The following ATRAID variants were observed in gnomAD, a reference collection of about 807,000 sequenced individuals.
ATRAID encodes the protein all-trans retinoic acid induced differentiation factor.
ATRAID carries 26 observed loss-of-function variants against 28.8 expected under a neutral mutation model. The observed-to-expected ratio is 0.90, with a 90% confidence interval of 0.66 to 1.25. The LOEUF (loss-of-function observed/expected upper bound fraction) is 1.25, where lower values mean the gene tolerates loss of function less well. Among genes scored for constraint, ATRAID ranks in the 50% most tolerant of loss-of-function variants. The pLI is 0.00. For missense variants in ATRAID, 308 were observed against 285.9 expected (o/e 1.08, Z -0.56); for synonymous variants, 131 against 108.5 (o/e 1.21, Z -1.29).
Position 27,212,320 on chromosome 2 carries a change from GGCCGCGGGGCCGGGTC to G in ATRAID, c.-46_-31del, listed in dbSNP as rs995795518. 3 of 1,549,182 alleles carry G rather than the reference GGCCGCGGGGCCGGGTC, an allele frequency of 1.9e-6. No individual in the cohort carries two copies. The highest frequency in any genetic ancestry group is 2.6e-6 in the Non-Finnish European group (3 of 1,146,188). On this transcript the variant is annotated 5_prime_UTR_variant, in exon 1 of 7. Coordinates refer to ENST00000380171, the MANE Select transcript of ATRAID (RefSeq NM_001170795.4). ...GAGGGCCTGACGCGCTGCGGGGCGG[GGCCGCGGGGCCGGGTC>G]GCGCGAGCAGCGGAGCACCAAGGGA...
intron 2 of ATRAID, chr2:27,213,513 A>C (rs1369398698): frequency 2.3e-6 from 1 of 443,950 alleles, no homozygotes; most frequent in Non-Finnish European, 3.8e-6. Flanking sequence ...AGCATTTCCT[A>C]CTGAGTGCAC....
At position 27,212,401 on chromosome 2, in the gene ATRAID, C is replaced by CCTGGTGCCCTGGG; in HGVS notation, c.37_49dup (p.Ala17GlyfsTer41). 6.4e-7 allele frequency: 1 copy of CCTGGTGCCCTGGG among 1,551,606 alleles called. No homozygotes were observed. Among genetic ancestry groups the CCTGGTGCCCTGGG allele is most frequent in the Non-Finnish European group, 8.7e-7 (1 of 1,147,638 alleles). On this transcript the variant is annotated frameshift_variant, in exon 1 of 7. Coordinates refer to ENST00000380171, the MANE Select transcript of ATRAID (RefSeq NM_001170795.4). LOFTEE classifies it high-confidence loss of function. Reference sequence around the variant, plus strand: ...CTCACGACCCGGGTAGTCTTACGACCCTGGTGCCCTGGGCTGCCGCCCTGC... The same window carrying CCTGGTGCCCTGGG: ...CTCACGACCCGGGTAGTCTTACGACCCTGGTGCCCTGGGCTGGTGCCCTGGGCTGCCGCCCTGC...
At chr2:27,212,693 C>G (rs1335823148) in intron 1 of ATRAID, 23 of 1,326,300 alleles carry the variant, frequency 1.7e-5, no homozygotes, top group Non-Finnish European at 2.1e-5. Context: ...TTGATTTCGC[C>G]CCTTAATTTT....
intron 5 of ATRAID, among the ~76,000 whole-genome samples, chr2:27,216,104 G>A (rs190701255): frequency 6.6e-6 from 1 of 152,328 alleles, no homozygotes; most frequent in East Asian, 1.9e-4. Flanking sequence ...GCAGGGGATG[G>A]ATCTTACAAA....
In ATRAID at chr2:27,216,621, G is replaced by A. The variant is rs1182999519; in HGVS notation, c.585+1G>A. The stretch of plus-strand genomic sequence containing the variant: ...CCATGGATACAAGTGTATGCGCCAG[G>A]TGAGGAATTAGGCCGTCTAACTAGG... On this transcript the variant is annotated splice_donor_variant, in intron 6 of 6. Transcript: ENST00000380171. LOFTEE classifies it high-confidence loss of function. The A allele has an allele frequency of 6.2e-7, 1 of 1,612,638 alleles. No homozygotes were observed. The highest frequency in any genetic ancestry group is 2.2e-5 in the East Asian group (1 of 44,886).
At chr2:27,213,502 A>G (rs1674699936) in intron 2 of ATRAID, 1 of 497,346 alleles carries the variant, frequency 2.0e-6, no homozygotes, top group African/African-American at 2.0e-5. Flanking sequence ...GCTTCCTATT[A>G]AGCATTTCCT....
Position 27,216,997 on chromosome 2 carries a change from C to T in ATRAID, c.*49C>T. 6.8e-7 allele frequency: 1 copy of T among 1,479,744 alleles called. No individual in the cohort carries two copies. The allele number at this position is 1,479,744 out of a possible 1,614,324, so 91.7% of individuals were successfully genotyped here. A position where few individuals can be genotyped will look rare whatever the true frequency, so the allele number is the denominator to read the frequency against. On this transcript the variant is annotated 3_prime_UTR_variant, in exon 7 of 7. Coordinates refer to ENST00000380171, the MANE Select transcript of ATRAID (RefSeq NM_001170795.4). ...CTAAGATCAATCTGAACTATCTTAG[C>T]CCAGTCAGGGAGCTCTGCTTCCTAG...
chr2:27,212,516 C>G (rs376508461), intron 1 of ATRAID, 49 bp downstream of exon 1: 2 of 1,511,742 alleles, frequency 1.3e-6, no homozygotes, highest in Admixed American at 2.4e-5. Flanking sequence ...GCTGGCCAGC[C>G]GTGCGTCGCG....
intron 2 of ATRAID, among the ~76,000 whole-genome samples, chr2:27,214,140 T>C (rs904579343): frequency 9.2e-5 from 14 of 152,226 alleles, no homozygotes; most frequent in Admixed American, 9.2e-4. Context: ...TTTTATATTG[T>C]AATTTAATGT....
At chr2:27,215,849 A>T in intron 5 of ATRAID, 96 bp downstream of exon 5, 1 of 1,481,612 alleles carries the variant, frequency 6.7e-7, no homozygotes, top group Non-Finnish European at 9.2e-7. Context: ...AGCGCCTTTC[A>T]TTCAGAGTTC....
intron 2 of ATRAID, among the ~76,000 whole-genome samples, chr2:27,214,979 A>G (rs1674766115): frequency 6.6e-6 from 1 of 152,184 alleles, no homozygotes; most frequent in Non-Finnish European, 1.5e-5. Flanking sequence ...ATTTTCTTCT[A>G]TAGAGTCAGG....
At chr2:27,214,540 A>T (rs1360735862) in intron 2 of ATRAID, among the ~76,000 whole-genome samples, 1 of 152,228 alleles carries the variant, frequency 6.6e-6, no homozygotes, top group African/African-American at 2.4e-5. Context: ...GTGCTGGCGG[A>T]TAGAACTTTC....
intron 5 of ATRAID, among the ~76,000 whole-genome samples, chr2:27,216,159 C>T (rs572038261): frequency 1.3e-4 from 20 of 152,186 alleles, no homozygotes; most frequent in Non-Finnish European, 2.2e-4. Context: ...CCTTCTTAAG[C>T]GTGGGAGAGA....
At chr2:27,215,057 C>T (rs1039938222) in intron 2 of ATRAID, among the ~76,000 whole-genome samples, 9 of 152,122 alleles carry the variant, frequency 5.9e-5, no homozygotes, top group African/African-American at 1.9e-4. Flanking sequence ...CGCTTGGCCT[C>T]CTAAAGTGCT....
At chr2:27,214,464 A>T (rs985166330) in intron 2 of ATRAID, among the ~76,000 whole-genome samples, 7 of 152,134 alleles carry the variant, frequency 4.6e-5, no homozygotes, top group Non-Finnish European at 8.8e-5. Flanking sequence ...AAATCATAAT[A>T]TGAGATTCAC....
intron 1 of ATRAID, chr2:27,212,859 T>A: frequency 2.3e-6 from 1 of 443,526 alleles, no homozygotes; most frequent in Non-Finnish European, 3.9e-6. Flanking sequence ...CGCGCCAAAC[T>A]AGGGCTGTCA....
At position 27,212,436 on chromosome 2, in the gene ATRAID, T is replaced by C. The variant is rs1450006276; in HGVS notation, c.68T>C (p.Leu23Pro). 12 of 1,560,890 alleles carry C rather than the reference T, an allele frequency of 7.7e-6. 1 individual carries two copies. The South Asian group carries it at 1.4e-4, about 18-fold the overall frequency. The change falls in exon 1 of 7, where the codon CTG (leucine) becomes CCG (proline). Residue 23 changes from leucine (L) to proline (P), a missense_variant. Physicochemically the swap from Leu to Pro is moderately conservative, Grantham distance 98. Coordinates refer to ENST00000380171, the MANE Select transcript of ATRAID (RefSeq NM_001170795.4). The part of the protein sequence containing the change: ...VPWAAALLLA[L>P]GVERALALPE... ...TGGGCTGCCGCCCTGCTCCTCGCTCTGGGCGTGGAAAGGGCTCTGGCGCTA... is the reference window on the plus strand; with the variant it reads ...TGGGCTGCCGCCCTGCTCCTCGCTCCGGGCGTGGAAAGGGCTCTGGCGCTA...
intron 2 of ATRAID, among the ~76,000 whole-genome samples, chr2:27,215,006 C>T (rs930603531): frequency 1.3e-5 from 2 of 152,034 alleles, no homozygotes; most frequent in African/African-American, 4.8e-5. Flanking sequence ...TTCATATTGC[C>T]CAGGCTGGTC....
Position 27,212,317 on chromosome 2 carries a change from C to CG in ATRAID, c.-48dup. On this transcript the variant is annotated 5_prime_UTR_variant, in exon 1 of 7. Coordinates refer to ENST00000380171, the MANE Select transcript of ATRAID (RefSeq NM_001170795.4). ...GAAGAGGGCCTGACGCGCTGCGGGGCGGGGCCGCGGGGCCGGGTCGCGCGA... is the reference window on the plus strand; with the variant it reads ...GAAGAGGGCCTGACGCGCTGCGGGGCGGGGGCCGCGGGGCCGGGTCGCGCGA... The CG allele has an allele frequency of 6.5e-7, 1 of 1,549,060 alleles. No individual in the cohort carries two copies. Among genetic ancestry groups the CG allele is most frequent in the South Asian group, 1.2e-5 (1 of 83,976 alleles).
Sources: allele counts gnomAD v4.1 joint callset (sites outside exome capture counted in the v4.1 genomes callset), GRCh38; gene constraint gnomAD v4.1.1; transcripts MANE v1.5; gene names NCBI Gene and HGNC (gene_info 2026-07-23, HGNC 2026-07-21).